The following PTPN21 variants were observed in gnomAD, a reference collection of about 807,000 sequenced individuals.
PTPN21 encodes the protein tyrosine-protein phosphatase non-receptor type 21.
In PTPN21, 77 loss-of-function variants were observed where a neutral mutation model predicts 131.8. The observed-to-expected ratio is 0.58, with a 90% CI of 0.49 to 0.71. The LOEUF is 0.71. Among genes scored for constraint, PTPN21 ranks in the 30% least tolerant of loss-of-function variants. The pLI, the probability that PTPN21 is intolerant of heterozygous loss-of-function variation, is 0.00. For synonymous variants in PTPN21, 715 were observed against 621.3 expected (o/e 1.15, Z -2.24); for missense variants, 1,552 against 1,527.1 (o/e 1.02, Z -0.27).
chr14:88,495,973 G>T (rs944159406), intron 10 of PTPN21, among the ~76,000 whole-genome samples: 1 of 152,180 alleles, frequency 6.6e-6, no homozygotes. Flanking sequence ...GGCTGGAGGG[G>T]AGTATAGATG....
intron 3 of PTPN21, chr14:88,515,093 G>A (rs2078246979): frequency 6.6e-6 from 1 of 152,146 alleles, no homozygotes; most frequent in Non-Finnish European, 1.5e-5. Flanking sequence ...TGAGGATGCT[G>A]GAGCACTAAG....
chr14:88,534,581 T>A (rs2078602998), intron 2 of PTPN21, among the ~76,000 whole-genome samples: 1 of 152,064 alleles, frequency 6.6e-6, no homozygotes, highest in Admixed American at 6.6e-5. Flanking sequence ...TGAGGTTAAT[T>A]TATTATCGAA....
In PTPN21 at chr14:88,526,437, C is replaced by T. The variant is rs923543620; in HGVS notation, c.181-9176G>A. Among the ~76,000 whole-genome samples the T allele has an allele frequency of 6.7e-5, 10 of 149,474 alleles. No individual in the cohort carries two copies. The Admixed American group carries it at 6.8e-4, about 10-fold the overall frequency. ...TGGTGGTGTGCACCTGTAATCTCAG[C>T]TACTCCGGAGGCTGAGGCAGGAGAA... On this transcript the variant is annotated intron_variant, in intron 2 of 18. Transcript: ENST00000556564.
At chr14:88,515,186 AATG>A in intron 3 of PTPN21, 1 of 152,204 alleles carries the variant, frequency 6.6e-6, no homozygotes, top group East Asian at 1.9e-4. Context: ...CACAGAAGTC[AATG>A]ATATTTAGGG....
chr14:88,501,931 G>A (rs1401299167), intron 6 of PTPN21, among the ~76,000 whole-genome samples: 2 of 151,950 alleles, frequency 1.3e-5, no homozygotes, highest in African/African-American at 4.8e-5. Context: ...GATGCAGTGA[G>A]CTATGATCGC....
intron 2 of PTPN21, among the ~76,000 whole-genome samples, chr14:88,533,435 C>T (rs1321725376): frequency 6.6e-6 from 1 of 152,188 alleles, no homozygotes; most frequent in Non-Finnish European, 1.5e-5. Context: ...TGTAGTGATG[C>T]TGGTATAAAC....
Position 88,479,550 on chromosome 14 carries a change from C to T in PTPN21, c.1881G>A (p.Ala627=), listed in dbSNP as rs138744802. 273 of 1,599,272 alleles carry T rather than the reference C, an allele frequency of 1.7e-4. No individual in the cohort carries two copies. The highest frequency in any genetic ancestry group is 4.7e-4 in the South Asian group (43 of 90,972). The change falls in exon 13 of 19, where the codon GCG becomes GCA. Residue 627 remains alanine (A), a synonymous_variant. Transcript: ENST00000556564. The stretch of plus-strand genomic sequence containing the variant: ...TCCGTTTGTGCAGCTGCGCGTGGCG[C>T]GCGGCGGTGAGGGGCTCGCTGACCT... ...LQEVSEPLTA[A]RHAQLHKRNS... is the part of the protein sequence containing the mutation.
intron 15 of PTPN21, among the ~76,000 whole-genome samples, chr14:88,471,017 T>C (rs2077457188): frequency 6.6e-6 from 1 of 152,098 alleles, no homozygotes; most frequent in Non-Finnish European, 1.5e-5. Context: ...TACAGTATCA[T>C]TCATTCTTAT....
rs188922807 is a variant in PTPN21, at chr14:88,472,208, G to C, written c.2871+36C>G. On this transcript the variant is annotated intron_variant, in intron 15 of 18. Transcript: ENST00000556564. ...CCATTCTTGTAACTTAACTGAAACTGCATGTGCTGTTGATTACTTGAGGCG... is the reference window on the plus strand; with the variant it reads ...CCATTCTTGTAACTTAACTGAAACTCCATGTGCTGTTGATTACTTGAGGCG... 175 of 1,133,224 alleles carry C rather than the reference G, an allele frequency of 1.5e-4. No individual in the cohort carries two copies. In the African/African-American group the frequency reaches 2.4e-3, roughly 16 times the overall value. 70.2% of individuals were successfully genotyped at this position (1,133,224 alleles called of 1,614,324 possible).
chr14:88,501,850 T>C lies in PTPN21; in HGVS notation c.588-482A>G, dbSNP rs576589920. Among the ~76,000 whole-genome samples the C allele has an allele frequency of 2.0e-5, 3 of 151,558 alleles. No individual in the cohort carries two copies. In the South Asian group the frequency reaches 6.3e-4, roughly 32 times the overall value. The stretch of plus-strand genomic sequence containing the variant: ...AATGTTTTAAATTAGCCAGGCATGG[T>C]GGTGCACATCTATAGTCCCAGCAGC... On this transcript the variant is annotated intron_variant, in intron 6 of 18. Coordinates refer to ENST00000556564, the MANE Select transcript of PTPN21 (RefSeq NM_007039.4).
chr14:88,496,833 T>C (rs571182131), intron 9 of PTPN21, among the ~76,000 whole-genome samples: 10 of 152,280 alleles, frequency 6.6e-5, no homozygotes, highest in Non-Finnish European at 1.3e-4. Flanking sequence ...TAACTCAATA[T>C]TGCCTTTGTC....
intron 9 of PTPN21, among the ~76,000 whole-genome samples, chr14:88,496,789 C>T (rs1261189915): frequency 6.6e-6 from 1 of 152,206 alleles, no homozygotes; most frequent in East Asian, 1.9e-4. Context: ...GCCAAATATA[C>T]TCAAAGACAT....
chr14:88,490,634 C>G (rs1042652242), intron 10 of PTPN21, among the ~76,000 whole-genome samples: 10 of 152,194 alleles, frequency 6.6e-5, no homozygotes, highest in Non-Finnish European at 2.9e-5. Context: ...TAAACTCTTT[C>G]CCTTTCCAGG....
rs76576873 is a variant in PTPN21 at position 88,475,354 on chromosome 14, A to G, written c.2512-1552T>C. Among the ~76,000 whole-genome samples the G allele has an allele frequency of 4.9e-4, 75 of 152,310 alleles. 1 individual carries two copies. The highest frequency in any genetic ancestry group is 1.7e-3 in the African/African-American group (69 of 41,554). On this transcript the variant is annotated intron_variant, in intron 13 of 18. Transcript: ENST00000556564. ...GAGACTGTGATTGGTACCTAACTCA[A>G]TAAGCTAAGTGGATTAATTTTTAAT... is the stretch of plus-strand genomic sequence containing the variant.
rs1303606105 is a variant in PTPN21 at position 88,507,912 on chromosome 14, A to C, written c.448+11T>G. 5 of 1,520,228 alleles carry C rather than the reference A, an allele frequency of 3.3e-6. No homozygotes were observed. The Admixed American group carries it at 5.4e-5, about 17-fold the overall frequency. The allele number at this position is 1,520,228 out of a possible 1,614,324, so 94.2% of individuals were successfully genotyped here. ...GATAGAACCATTTCATTATGAATTG[A>C]TCTTATTTACCTTGAACAGCTAAGC... On this transcript the variant is annotated intron_variant, in intron 4 of 18. Coordinates refer to ENST00000556564, the MANE Select transcript of PTPN21 (RefSeq NM_007039.4).
rs750267328 is a variant in PTPN21 at position 88,473,681 on chromosome 14, G to A, written c.2633C>T (p.Ala878Val). ...CATACATACCCTTTCATCATTCGTT[G>A]CTCTGGTAGCCACTTCCTTTCCTTC... Reference protein sequence around the residue: ...PDEGKEVATRATNDERCKILE... With the variant: ...PDEGKEVATRVTNDERCKILE... Residue 878 changes from alanine to valine, a missense_variant, in exon 14 of 19, where the codon GCA becomes GTA. Ala to Val is a moderately conservative substitution (Grantham distance 64, BLOSUM62 0). Around this residue, in one of 4 missense-constraint regions of PTPN21, gnomAD observed 316 missense variants for 378.5 expected, o/e 0.83. Transcript: ENST00000556564. The A allele has an allele frequency of 6.2e-7, 1 of 1,612,986 alleles. No individual in the cohort carries two copies.
chr14:88,496,642 C>G (rs1224099975), intron 9 of PTPN21, 150 bp from the exon 10 acceptor site: 2 of 632,796 alleles, frequency 3.2e-6, no homozygotes, highest in Non-Finnish European at 5.6e-6. Flanking sequence ...CAACACTGTG[C>G]CCATGGTATG....
intron 15 of PTPN21, among the ~76,000 whole-genome samples, chr14:88,471,457 G>A (rs1171802976): frequency 1.3e-5 from 2 of 152,158 alleles, no homozygotes; most frequent in Non-Finnish European, 2.9e-5. Flanking sequence ...ACTAGGGAAG[G>A]ACAGCCTCTT....
At chr14:88,504,294 G>T in intron 6 of PTPN21, 131 bp downstream of exon 6, 1 of 699,042 alleles carries the variant, frequency 1.4e-6, no homozygotes. Context: ...TGTAATAGTA[G>T]TGGCAGTAAT....
Sources: allele counts gnomAD v4.1 joint callset (sites outside exome capture counted in the v4.1 genomes callset), GRCh38; gene constraint gnomAD v4.1.1; regional missense constraint gnomAD v4.1.1; transcripts MANE v1.5; gene names NCBI Gene and HGNC (gene_info 2026-07-23, HGNC 2026-07-21).